NRSN1: variants seen among roughly 807,000 people sequenced by gnomAD.
The protein encoded by NRSN1 is neurensin 1.
A neutral mutation model predicts 17.3 loss-of-function variants in NRSN1; 14 were observed. The observed-to-expected ratio is 0.81, with a 90% CI of 0.54 to 1.27. NRSN1 has a LOEUF of 1.27. NRSN1 is among the 50% of genes most tolerant of loss of function. The pLI is 0.00. For synonymous variants in NRSN1, 79 were observed against 94.2 expected, an observed-to-expected ratio of 0.84 and a Z score of 0.93; for missense variants, 209 against 235.9, an observed-to-expected ratio of 0.89 and a Z score of 0.75.
chr6:24,127,233 C>G (rs376600131), intron 1 of NRSN1, among the ~76,000 whole-genome samples: 2 of 152,132 alleles, frequency 1.3e-5, no homozygotes, highest in South Asian at 2.1e-4. Flanking sequence ...TAATTTGCTT[C>G]TTTCCCCCAA....
intron 2 of NRSN1, chr6:24,129,236 T>C (rs1302567347): frequency 6.6e-6 from 1 of 152,192 alleles, no homozygotes; most frequent in Non-Finnish European, 1.5e-5. Context: ...TGTGTCTCCT[T>C]GTAACCCAAG....
chr6:24,141,247 T>TCGACTTTGAACTGTG, intron 3 of NRSN1: 1 of 1,266,124 alleles, frequency 7.9e-7, no homozygotes, highest in East Asian at 3.1e-5. Flanking sequence ...TGGGACCAAT[T>TCGACTTTGAACTGTG]CGACTTTGAA....
intron 3 of NRSN1, among the ~76,000 whole-genome samples, chr6:24,143,198 G>T (rs529002825): frequency 1.9e-3 from 284 of 152,176 alleles, no homozygotes; most frequent in Non-Finnish European, 3.3e-3. Flanking sequence ...AAGCCCAGCC[G>T]GCTTCACCTC....
intron 3 of NRSN1, among the ~76,000 whole-genome samples, chr6:24,142,594 G>T (rs1316797609): frequency 1.3e-5 from 2 of 151,992 alleles, no homozygotes; most frequent in Non-Finnish European, 2.9e-5. Flanking sequence ...CAAGTAGCTG[G>T]GATTACTGGC....
At chr6:24,143,442 C>G (rs915844446) in intron 3 of NRSN1, among the ~76,000 whole-genome samples, 1 of 152,158 alleles carries the variant, frequency 6.6e-6, no homozygotes, top group African/African-American at 2.4e-5. Context: ...TTCAATAATA[C>G]CAGTTATACT....
chr6:24,130,262 TTC>T (rs56935853), intron 2 of NRSN1, among the ~76,000 whole-genome samples: 4,895 of 152,324 alleles, frequency 0.032, 142 homozygotes, highest in African/African-American at 0.078. Flanking sequence ...TGCACATAGC[TTC>T]TGTTTCTGTC....
chr6:24,135,012 A>G (rs1268963331), intron 3 of NRSN1, among the ~76,000 whole-genome samples: 1 of 152,176 alleles, frequency 6.6e-6, no homozygotes, highest in Non-Finnish European at 1.5e-5. Flanking sequence ...AGCTTCCTCA[A>G]ATGAAGGAAT....
At chr6:24,140,367 G>A (rs1224934011) in intron 3 of NRSN1, among the ~76,000 whole-genome samples, 2 of 152,180 alleles carry the variant, frequency 1.3e-5, no homozygotes, top group African/African-American at 4.8e-5. Flanking sequence ...CACTGCCCAG[G>A]TGAAAGGGTC....
At chr6:24,129,856 C>T (rs1246145668) in intron 2 of NRSN1, among the ~76,000 whole-genome samples, 1 of 152,202 alleles carries the variant, frequency 6.6e-6, no homozygotes, top group Non-Finnish European at 1.5e-5. Context: ...AAAAACAACT[C>T]TCTCTTCATA....
intron 2 of NRSN1, among the ~76,000 whole-genome samples, chr6:24,130,512 T>C (rs753321984): frequency 2.6e-5 from 4 of 152,208 alleles, no homozygotes; most frequent in Non-Finnish European, 5.9e-5. Context: ...AAAATTCATG[T>C]TCTTCCAAGT....
intron 2 of NRSN1, among the ~76,000 whole-genome samples, chr6:24,131,200 T>G (rs1299443210): frequency 6.6e-6 from 1 of 152,228 alleles, no homozygotes; most frequent in Non-Finnish European, 1.5e-5. Context: ...CTTTTATGAT[T>G]TGACCTATAT....
chr6:24,127,648 C>G (rs1270159650), intron 1 of NRSN1, among the ~76,000 whole-genome samples: 1 of 152,010 alleles, frequency 6.6e-6, no homozygotes, highest in African/African-American at 2.4e-5. Flanking sequence ...ATCCAAAGAG[C>G]CTTACGAAGT....
In NRSN1 at chr6:24,145,463, A is replaced by C. The variant is rs1360966865; in HGVS notation, c.190-85A>C. ...GGAATATTCATTTCTCTCAAGAAAC[A>C]AGACAAGTGCTGCCCTTGAGGGCTC... is the stretch of plus-strand genomic sequence containing the variant. On this transcript the variant is annotated intron_variant, in intron 3 of 3. Transcript: ENST00000378491. The surrounding 1 kb of genome is among the most constrained non-coding windows in gnomAD (Gnocchi z 4.4). 3 of 987,240 alleles carry C rather than the reference A, an allele frequency of 3.0e-6. No individual in the cohort carries two copies. In the African/African-American group the frequency reaches 5.0e-5, roughly 16 times the overall value. The allele number at this position is 987,240 out of a possible 1,614,324, so 61.2% of individuals were successfully genotyped here.
chr6:24,133,828 TTTG>T (rs34811949), intron 2 of NRSN1, among the ~76,000 whole-genome samples: 2 of 151,808 alleles, frequency 1.3e-5, no homozygotes, highest in East Asian at 1.9e-4. Context: ...GAAAGACAGG[TTTG>T]TTGTTGTTGT....
rs1226033213 is a variant in NRSN1, at chr6:24,145,353, G to C, written c.190-195G>C. On this transcript the variant is annotated intron_variant, in intron 3 of 3. Coordinates refer to ENST00000378491, the MANE Select transcript of NRSN1 (RefSeq NM_080723.5). The surrounding 1 kb of genome is among the most constrained non-coding windows in gnomAD (Gnocchi z 4.4). ...CTCAAGGCTGAGTGCTGGAGTTTTTGGTTGGCATTAAAATTAGAAAGATCA... is the reference window on the plus strand; with the variant it reads ...CTCAAGGCTGAGTGCTGGAGTTTTTCGTTGGCATTAAAATTAGAAAGATCA... Among the ~76,000 whole-genome samples, 1 of 149,894 alleles carries C rather than the reference G, an allele frequency of 6.7e-6. No individual in the cohort carries two copies. The highest frequency in any genetic ancestry group is 1.5e-5 in the Non-Finnish European group (1 of 67,666).
chr6:24,141,314 C>T, intron 3 of NRSN1: 1 of 1,165,296 alleles, frequency 8.6e-7, no homozygotes, highest in Non-Finnish European at 1.1e-6. Flanking sequence ...CAATTTTTAT[C>T]CTTTCCAGTA....
chr6:24,126,375 C>T (rs1759948721), intron 1 of NRSN1, 35 bp downstream of exon 1: 1 of 156,106 alleles, frequency 6.4e-6, no homozygotes, highest in Non-Finnish European at 1.4e-5. Flanking sequence ...GGGGTGGCGG[C>T]TTTCTATTCT....
At chr6:24,142,616 T>C (rs1458269267) in intron 3 of NRSN1, among the ~76,000 whole-genome samples, 1 of 152,112 alleles carries the variant, frequency 6.6e-6, no homozygotes. Context: ...TGCCCCACCA[T>C]GCCTGGCTAA....
chr6:24,142,207 T>TG (rs1760220419), intron 3 of NRSN1, among the ~76,000 whole-genome samples: 1 of 145,704 alleles, frequency 6.9e-6, no homozygotes, highest in Admixed American at 7.0e-5. Context: ...TTTTTTTTTT[T>TG]TTTTTTTCAG....
Sources: allele counts gnomAD v4.1 joint callset (sites outside exome capture counted in the v4.1 genomes callset), GRCh38; gene constraint gnomAD v4.1.1; non-coding constraint Gnocchi (gnomAD v3.1); transcripts MANE v1.5; gene names NCBI Gene and HGNC (gene_info 2026-07-23, HGNC 2026-07-21).